The following RFTN1 variants were observed in gnomAD, a reference collection of about 807,000 sequenced individuals.
RFTN1 encodes the protein raftlin, lipid raft linker 1.
Under a neutral mutation model 46.5 loss-of-function variants are expected in RFTN1, and 26 were observed. The observed-to-expected ratio is 0.56, with a 90% CI of 0.41 to 0.78. The LOEUF is 0.78. RFTN1 is among the 30% of genes least tolerant of loss of function. The pLI is 0.00. For synonymous variants in RFTN1, 261 were observed against 284.2 expected, an observed-to-expected ratio of 0.92 and a Z score of 0.82; for missense variants, 693 against 718.7, an observed-to-expected ratio of 0.96 and a Z score of 0.41.
chr3:16,370,339 T>C lies in RFTN1; in HGVS notation c.827-60A>G. On this transcript the variant is annotated intron_variant, in intron 5 of 9. Transcript: ENST00000334133. The surrounding 1 kb of genome is among the most constrained non-coding windows in gnomAD (Gnocchi z 5.5). ...AGGTCAACTGATGATAAAAATCTGT[T>C]TCATCGGCTTAAGTGGAATCTCTCA... is the stretch of plus-strand genomic sequence containing the variant. 1 of 1,510,410 alleles carries C rather than the reference T, an allele frequency of 6.6e-7. No individual in the cohort carries two copies. The highest frequency in any genetic ancestry group is 9.2e-7 in the Non-Finnish European group (1 of 1,086,562). 93.6% of individuals were successfully genotyped at this position (1,510,410 alleles called of 1,614,324 possible). A position where few individuals can be genotyped will look rare whatever the true frequency, so the allele number is the denominator to read the frequency against.
chr3:16,325,330 G>A (rs548139580), intron 8 of RFTN1, among the ~76,000 whole-genome samples: 77 of 152,310 alleles, frequency 5.1e-4, no homozygotes, highest in South Asian at 1.2e-3. Flanking sequence ...CCATTCCACC[G>A]TAAGTGGTCA....
rs558277068 is a variant in RFTN1, at chr3:16,512,847, T to C, written c.-9+595A>G. The C allele has an allele frequency of 6.6e-6, 1 of 152,334 alleles. No homozygotes were observed. Among genetic ancestry groups the C allele is most frequent in the Non-Finnish European group, 1.5e-5 (1 of 68,070 alleles). The allele number at this position is 152,334 out of a possible 1,614,324, so 9.4% of individuals were successfully genotyped here. ...GGCACCCGCGTCCCTGTGCTTCTGG[T>C]GGTTCCGGCGCTTCCTCGGAGCGCG... On this transcript the variant is annotated intron_variant, in intron 1 of 9. Transcript: ENST00000334133. This position sits in a 1 kb window ranked among gnomAD's most constrained non-coding sequence, Gnocchi z 4.3.
At chr3:16,496,570 A>G (rs2076629593) in intron 1 of RFTN1, among the ~76,000 whole-genome samples, 1 of 152,220 alleles carries the variant, frequency 6.6e-6, no homozygotes, top group South Asian at 2.1e-4. Context: ...CATTTTAAAA[A>G]CTGATAATAC....
rs956911329 is a variant in RFTN1, at chr3:16,346,597, C to G, written c.1146+11335G>C. Among the ~76,000 whole-genome samples the G allele has an allele frequency of 2.6e-5, 4 of 152,242 alleles. No individual in the cohort carries two copies. Among genetic ancestry groups the G allele is most frequent in the African/African-American group, 9.6e-5 (4 of 41,538 alleles). On this transcript the variant is annotated intron_variant, in intron 7 of 9. Transcript: ENST00000334133. This position sits in a 1 kb window ranked among gnomAD's most constrained non-coding sequence, Gnocchi z 4.4. ...GCCCAGGGCTTCTTCCTCACTGACA[C>G]CCCCCAGGCCTGGACAACCATGACT...
intron 6 of RFTN1, among the ~76,000 whole-genome samples, chr3:16,367,748 G>A (rs573058762): frequency 6.6e-6 from 1 of 152,302 alleles, no homozygotes; most frequent in East Asian, 1.9e-4. Flanking sequence ...TTGAAGAGTG[G>A]GGTGACGGGA....
At chr3:16,511,319 A>G (rs28678787) in intron 1 of RFTN1, among the ~76,000 whole-genome samples, 4,695 of 152,322 alleles carry the variant, frequency 0.031, 234 homozygotes, top group African/African-American at 0.1. Flanking sequence ...TATTGAAGTC[A>G]AAATAATAAA....
rs184510781 is a variant in RFTN1 at position 16,442,963 on chromosome 3, T to C, written c.146-8926A>G. Among the ~76,000 whole-genome samples, 1 of 152,384 alleles carries C rather than the reference T, an allele frequency of 6.6e-6. No homozygotes were observed. Among genetic ancestry groups the C allele is most frequent in the African/African-American group, 2.4e-5 (1 of 41,600 alleles). The stretch of plus-strand genomic sequence containing the variant: ...TCCATTGCATATATATACCATAGTT[T>C]ATTTATCCAATCATCTATTGATGGA... On this transcript the variant is annotated intron_variant, in intron 2 of 9. Transcript: ENST00000334133. This position sits in a 1 kb window ranked among gnomAD's most constrained non-coding sequence, Gnocchi z 4.1.
At position 16,370,055 on chromosome 3, in the gene RFTN1, G is replaced by A. The variant is rs2073429506; in HGVS notation, c.1030+21C>T. The A allele has an allele frequency of 6.2e-7, 1 of 1,609,014 alleles. No homozygotes were observed. Among genetic ancestry groups the A allele is most frequent in the South Asian group, 1.1e-5 (1 of 90,930 alleles). On this transcript the variant is annotated intron_variant, in intron 6 of 9. Coordinates refer to ENST00000334133, the MANE Select transcript of RFTN1 (RefSeq NM_015150.2). This position sits in a 1 kb window ranked among gnomAD's most constrained non-coding sequence, Gnocchi z 5.5. The stretch of plus-strand genomic sequence containing the variant: ...CAGAGTTCACAAAGGGCCACCCAAG[G>A]ACTGTGAATTCCAAACATACCATTC...
At chr3:16,409,558 C>A in intron 3 of RFTN1, 75 bp from the exon 4 acceptor site, 1 of 1,064,950 alleles carries the variant, frequency 9.4e-7, no homozygotes, top group Non-Finnish European at 1.4e-6. Flanking sequence ...ACTCTTGTCA[C>A]CCAGGCTGGA....
At position 16,421,724 on chromosome 3, in the gene RFTN1, C is replaced by G. The variant is rs905303540; in HGVS notation, c.332+12127G>C. Among the ~76,000 whole-genome samples the G allele has an allele frequency of 1.3e-5, 2 of 152,146 alleles. No homozygotes were observed. The highest frequency in any genetic ancestry group is 4.8e-5 in the African/African-American group (2 of 41,434). On this transcript the variant is annotated intron_variant, in intron 3 of 9. Coordinates refer to ENST00000334133, the MANE Select transcript of RFTN1 (RefSeq NM_015150.2). The surrounding 1 kb of genome is among the most constrained non-coding windows in gnomAD (Gnocchi z 4.6). ...CAGAGACGGGTCAGTGTAGCCATTTCCACATGAGAGAGAGAAGGATTTTAC... is the reference window on the plus strand; with the variant it reads ...CAGAGACGGGTCAGTGTAGCCATTTGCACATGAGAGAGAGAAGGATTTTAC...
chr3:16,386,546 T>TA (rs1405880506), intron 4 of RFTN1, among the ~76,000 whole-genome samples: 3 of 152,238 alleles, frequency 2.0e-5, no homozygotes, highest in Non-Finnish European at 2.9e-5. Context: ...TGCTACCTGT[T>TA]ACGCTGCTCA....
In RFTN1 at chr3:16,424,487, G is replaced by A. The variant is rs977258672; in HGVS notation, c.332+9364C>T. On this transcript the variant is annotated intron_variant, in intron 3 of 9. Coordinates refer to ENST00000334133, the MANE Select transcript of RFTN1 (RefSeq NM_015150.2). This position sits in a 1 kb window ranked among gnomAD's most constrained non-coding sequence, Gnocchi z 4.7. ...CATAATGAGAATTAATTATAATACC[G>A]AAAACATACAGGAACAAAGCAAAGT... is the stretch of plus-strand genomic sequence containing the variant. 2.0e-5 allele frequency among the ~76,000 whole-genome samples: 3 copies of A among 152,076 alleles called. No homozygotes were observed. Among genetic ancestry groups the A allele is most frequent in the South Asian group, 2.1e-4 (1 of 4,822 alleles).
chr3:16,386,274 A>G (rs760719543), intron 4 of RFTN1, among the ~76,000 whole-genome samples: 1 of 152,262 alleles, frequency 6.6e-6, no homozygotes, highest in Non-Finnish European at 1.5e-5. Flanking sequence ...TGCAGGGAAG[A>G]GCAAATGTTC....
rs2074880271 is a variant in RFTN1, at chr3:16,407,237, C to G, written c.441+2138G>C. 6.6e-6 allele frequency among the ~76,000 whole-genome samples: 1 copy of G among 152,230 alleles called. No homozygotes were observed. Among genetic ancestry groups the G allele is most frequent in the South Asian group, 2.1e-4 (1 of 4,834 alleles). On this transcript the variant is annotated intron_variant, in intron 4 of 9. Transcript: ENST00000334133. The surrounding 1 kb of genome is among the most constrained non-coding windows in gnomAD (Gnocchi z 4.0). ...TCACTCTGTCAGCCAGGCTGGAGTGCAGTGGTGCAATCATAGCTCACTGTG... is the reference window on the plus strand; with the variant it reads ...TCACTCTGTCAGCCAGGCTGGAGTGGAGTGGTGCAATCATAGCTCACTGTG...
At chr3:16,326,742 A>G (rs763788878) in intron 8 of RFTN1, 31 bp downstream of exon 8, 36 of 1,520,262 alleles carry the variant, frequency 2.4e-5, no homozygotes, top group Non-Finnish European at 3.3e-5. Context: ...TAAGTGTTCA[A>G]TAGAATCCTA....
chr3:16,418,667 A>G lies in RFTN1; in HGVS notation c.333-9184T>C, dbSNP rs2075129071. ...AACACCAAGCTCAAATAGAATAATC[A>G]GAACAGCTTATTTTTTTTTTTTTAA... On this transcript the variant is annotated intron_variant, in intron 3 of 9. Coordinates refer to ENST00000334133, the MANE Select transcript of RFTN1 (RefSeq NM_015150.2). This position sits in a 1 kb window ranked among gnomAD's most constrained non-coding sequence, Gnocchi z 5.0. 5.6e-5 allele frequency among the ~76,000 whole-genome samples: 8 copies of G among 142,772 alleles called. 1 individual carries two copies. The Admixed American group carries it at 5.8e-4, about 10-fold the overall frequency. 93.7% of individuals were successfully genotyped at this position (142,772 alleles called of 152,430 possible). A position where few individuals can be genotyped will look rare whatever the true frequency, so the allele number is the denominator to read the frequency against.
intron 3 of RFTN1, among the ~76,000 whole-genome samples, chr3:16,415,427 A>G (rs2125457635): frequency 6.9e-6 from 1 of 145,596 alleles, no homozygotes; most frequent in East Asian, 2.0e-4. Context: ...ATATATATAT[A>G]TATACACACA....
chr3:16,503,886 C>T (rs2076755854), intron 1 of RFTN1, among the ~76,000 whole-genome samples: 1 of 152,190 alleles, frequency 6.6e-6, no homozygotes, highest in Non-Finnish European at 1.5e-5. Context: ...GATCCACCAC[C>T]TGGATTTCAC....
rs2071505986 is a variant in RFTN1 at position 16,344,397 on chromosome 3, T to G, written c.1146+13535A>C. Among the ~76,000 whole-genome samples the G allele has an allele frequency of 6.6e-6, 1 of 151,940 alleles. No individual in the cohort carries two copies. The highest frequency in any genetic ancestry group is 1.5e-5 in the Non-Finnish European group (1 of 67,996). Reference sequence around the variant, plus strand: ...ACTATAATCTAATTTAGAAACAACATGTAAAAACAGATACATTCAGAAAAG... The same window carrying G: ...ACTATAATCTAATTTAGAAACAACAGGTAAAAACAGATACATTCAGAAAAG... On this transcript the variant is annotated intron_variant, in intron 7 of 9. Coordinates refer to ENST00000334133, the MANE Select transcript of RFTN1 (RefSeq NM_015150.2). The surrounding 1 kb of genome is among the most constrained non-coding windows in gnomAD (Gnocchi z 4.4).
Sources: allele counts gnomAD v4.1 joint callset (sites outside exome capture counted in the v4.1 genomes callset), GRCh38; gene constraint gnomAD v4.1.1; non-coding constraint Gnocchi (gnomAD v3.1); transcripts MANE v1.5; gene names NCBI Gene and HGNC (gene_info 2026-07-23, HGNC 2026-07-21).